Variants in ALKBH5 observed in about 807,000 individuals in gnomAD.
ALKBH5 encodes the protein alkB homolog 5, RNA demethylase, also known as RNA demethylase ALKBH5.
A neutral mutation model predicts 32.1 loss-of-function variants in ALKBH5; 2 were observed. The observed-to-expected ratio is 0.06, with a 90% confidence interval of 0.03 to 0.20. The LOEUF (loss-of-function observed/expected upper bound fraction) is 0.20. Among genes scored for constraint, ALKBH5 ranks in the 10% least tolerant of loss-of-function variants. ALKBH5 has a pLI of 1.00. For missense variants in ALKBH5, 352 were observed against 559.5 expected (o/e 0.63, Z 3.74); for synonymous variants, 300 against 231.7 (o/e 1.29, Z -2.68).
chr17:18,205,762 G>A (rs1366654790), intron 2 of ALKBH5, among the ~76,000 whole-genome samples: 1 of 152,140 alleles, frequency 6.6e-6, no homozygotes, highest in African/African-American at 2.4e-5. Flanking sequence ...CTAGCCCAAG[G>A]CAGTTCTTGG....
At chr17:18,188,816 G>T (rs2047155542) in intron 1 of ALKBH5, among the ~76,000 whole-genome samples, 1 of 152,138 alleles carries the variant, frequency 6.6e-6, no homozygotes, top group Non-Finnish European at 1.5e-5. Context: ...TGCCTGTAAT[G>T]CCAGAACTTT....
rs961391272 is a variant in ALKBH5, at chr17:18,205,382, T to A, written c.852-1433T>A. ...AGACTGAAGAGTCACTCACTGCAGC[T>A]GGGCCCTACTGGCATCCCCCTCTGC... On this transcript the variant is annotated intron_variant, in intron 2 of 3. Transcript: ENST00000399138. Among the ~76,000 whole-genome samples, 4 of 152,308 alleles carry A rather than the reference T, an allele frequency of 2.6e-5. 1 individual carries two copies. Among genetic ancestry groups the A allele is most frequent in the Middle Eastern group, 6.8e-3 (2 of 294 alleles).
chr17:18,194,662 TA>T (rs1162648702), intron 1 of ALKBH5, among the ~76,000 whole-genome samples: 1 of 152,102 alleles, frequency 6.6e-6, no homozygotes, highest in Admixed American at 6.5e-5. Flanking sequence ...AGTACCCTTT[TA>T]AAAAAGGGTT....
At chr17:18,189,798 A>G (rs2047162903) in intron 1 of ALKBH5, among the ~76,000 whole-genome samples, 1 of 152,146 alleles carries the variant, frequency 6.6e-6, no homozygotes, top group Non-Finnish European at 1.5e-5. Context: ...AATTTAGCTA[A>G]AAGTGTCTCA....
intron 1 of ALKBH5, among the ~76,000 whole-genome samples, chr17:18,185,816 A>G (rs1378798174): frequency 1.3e-5 from 2 of 152,208 alleles, no homozygotes; most frequent in Non-Finnish European, 2.9e-5. Flanking sequence ...CATTGGGAAC[A>G]CCTTTGCTGT....
At chr17:18,188,716 A>G (rs1014291807) in intron 1 of ALKBH5, among the ~76,000 whole-genome samples, 1 of 152,222 alleles carries the variant, frequency 6.6e-6, no homozygotes, top group African/African-American at 2.4e-5. Context: ...GGAAGCTAAC[A>G]GTGAACCATG....
chr17:18,197,293 C>T lies in ALKBH5; in HGVS notation c.851+2258C>T, dbSNP rs1157871188. 3.3e-5 allele frequency among the ~76,000 whole-genome samples: 5 copies of T among 152,276 alleles called. No individual in the cohort carries two copies. In the East Asian group the frequency reaches 9.6e-4, roughly 29 times the overall value. On this transcript the variant is annotated intron_variant, in intron 2 of 3. Coordinates refer to ENST00000399138, the MANE Select transcript of ALKBH5 (RefSeq NM_017758.4). ...AGAGGAAGGGAAGAGTTTTTATCTG[C>T]CTTGTACTTTATTTTTCTGTGATAA...
chr17:18,206,914 C>A lies in ALKBH5; in HGVS notation c.951C>A (p.Asp317Glu). The part of the protein sequence containing the change: ...ASDRLSGNNR[D>E]PALKPKRSHR... ...ATCGCCTGTCAGGAAACAACAGGGA[C>A]CCTGCTCTGAAACCCAAGCGGTCCC... The change falls in exon 3 of 4, where the codon GAC becomes GAA. Residue 317 changes from aspartate to glutamate, a missense_variant. By Grantham distance (45) the Asp-to-Glu change is conservative. This residue lies in a region of ALKBH5 where 124 missense variants were observed against 142.4 expected (regional missense o/e 0.87). Transcript: ENST00000399138. 1 of 1,614,250 alleles carries A rather than the reference C, an allele frequency of 6.2e-7. No individual in the cohort carries two copies. Among genetic ancestry groups the A allele is most frequent in the Non-Finnish European group, 8.5e-7 (1 of 1,180,044 alleles).
At chr17:18,201,515 T>C (rs1411009074) in intron 2 of ALKBH5, among the ~76,000 whole-genome samples, 2 of 152,164 alleles carry the variant, frequency 1.3e-5, no homozygotes, top group African/African-American at 4.8e-5. Context: ...CCCAGCACTT[T>C]GGGAAGCCGA....
chr17:18,184,198 C>A lies in ALKBH5; in HGVS notation c.-46C>A. 1.4e-6 allele frequency: 2 copies of A among 1,444,880 alleles called. No homozygotes were observed. Among genetic ancestry groups the A allele is most frequent in the South Asian group, 1.4e-5 (1 of 73,624 alleles). 89.5% of individuals were successfully genotyped at this position (1,444,880 alleles called of 1,614,324 possible). A position where few individuals can be genotyped will look rare whatever the true frequency, so the allele number is the denominator to read the frequency against. On this transcript the variant is annotated 5_prime_UTR_variant, in exon 1 of 4. The change creates a new upstream start codon in the 5' untranslated region. Coordinates refer to ENST00000399138, the MANE Select transcript of ALKBH5 (RefSeq NM_017758.4). ...CGCGTCCCCTTAGAGCCATGCCCGG[C>A]TGCCCCGCCCGCCCCGGAGGACCCT... is the stretch of plus-strand genomic sequence containing the variant.
chr17:18,183,857 G>T lies in ALKBH5; in HGVS notation c.-387G>T, dbSNP rs1379904228. On this transcript the variant is annotated 5_prime_UTR_variant, in exon 1 of 4. Transcript: ENST00000399138. ...AGCCCGCTAAGGAGCGGCGCTGGCG[G>T]ACGTCGGGCTGGCTGCCCGTGACGT... 1.5e-5 allele frequency: 5 copies of T among 341,614 alleles called. No homozygotes were observed. Among genetic ancestry groups the T allele is most frequent in the African/African-American group, 4.5e-5 (2 of 43,982 alleles). 21.2% of individuals were successfully genotyped at this position (341,614 alleles called of 1,614,324 possible). A position where few individuals can be genotyped will look rare whatever the true frequency, so the allele number is the denominator to read the frequency against.
At chr17:18,203,382 TTCCCTTCG>T (rs1486664889) in intron 2 of ALKBH5, among the ~76,000 whole-genome samples, 1 of 152,224 alleles carries the variant, frequency 6.6e-6, no homozygotes, top group East Asian at 1.9e-4. Flanking sequence ...ACTCCCTCCC[TTCCCTTCG>T]GTTCACACTT....
At position 18,206,852 on chromosome 17, in the gene ALKBH5, C is replaced by A. The variant is rs1200223677; in HGVS notation, c.889C>A (p.Leu297Met). 7 of 1,614,216 alleles carry A rather than the reference C, an allele frequency of 4.3e-6. No individual in the cohort carries two copies. The highest frequency in any genetic ancestry group is 5.9e-6 in the Non-Finnish European group (7 of 1,180,024). Residue 297 changes from leucine (L) to methionine (M), a missense_variant, in exon 3 of 4, where the codon CTG (leucine) becomes ATG (methionine). By Grantham distance (15) the Leu-to-Met change is conservative. Coordinates refer to ENST00000399138, the MANE Select transcript of ALKBH5 (RefSeq NM_017758.4). ...LDAPRLETKS[L>M]SSSVLPPSYA... is the part of the protein sequence containing the mutation. ...TGCACCCCGGTTGGAAACAAAGTCCCTGAGCAGCTCCGTGTTACCACCCAG... is the reference window on the plus strand; with the variant it reads ...TGCACCCCGGTTGGAAACAAAGTCCATGAGCAGCTCCGTGTTACCACCCAG...
At position 18,209,331 on chromosome 17, in the gene ALKBH5, C is replaced by G. The variant is rs1034121552; in HGVS notation, c.*935C>G. Reference sequence around the variant, plus strand: ...GAGTTTTTTTTCCCCCTTTAGTCTCCTGGCTTTTTCCTTTCCCTTCCCTTC... The same window carrying G: ...GAGTTTTTTTTCCCCCTTTAGTCTCGTGGCTTTTTCCTTTCCCTTCCCTTC... On this transcript the variant is annotated 3_prime_UTR_variant, in exon 4 of 4. Transcript: ENST00000399138. 1 of 152,480 alleles carries G rather than the reference C, an allele frequency of 6.6e-6. No individual in the cohort carries two copies. The highest frequency in any genetic ancestry group is 2.4e-5 in the African/African-American group (1 of 41,344). The allele number at this position is 152,480 out of a possible 1,614,324, so 9.4% of individuals were successfully genotyped here.
Position 18,208,219 on chromosome 17 carries a change from G to A in ALKBH5, c.1008G>A (p.Arg336=). ...HRKADPDAAH[R]PRILEMDKEE... ...ACGTCCTACCTCCCTTTCCTTGCAG[G>A]CCACGGATCCTGGAGATGGACAAGG... is the stretch of plus-strand genomic sequence containing the variant. The change falls in exon 4 of 4, where the codon AGG becomes AGA. Residue 336 remains arginine (R), a splice_region_variant and synonymous_variant. Transcript: ENST00000399138. The A allele has an allele frequency of 6.2e-7, 1 of 1,603,884 alleles. No individual in the cohort carries two copies. The highest frequency in any genetic ancestry group is 8.5e-7 in the Non-Finnish European group (1 of 1,174,206).
chr17:18,192,676 G>A (rs2047183536), intron 1 of ALKBH5, among the ~76,000 whole-genome samples: 2 of 152,164 alleles, frequency 1.3e-5, no homozygotes, highest in South Asian at 4.1e-4. Context: ...ACTTCTCACT[G>A]TGGGCTGATG....
At chr17:18,189,434 G>A (rs549589144) in intron 1 of ALKBH5, among the ~76,000 whole-genome samples, 2 of 152,326 alleles carry the variant, frequency 1.3e-5, no homozygotes, top group South Asian at 4.2e-4. Context: ...CCAGTTGGTG[G>A]ATAGCCTTCA....
At chr17:18,190,341 G>A (rs1179059312) in intron 1 of ALKBH5, among the ~76,000 whole-genome samples, 2 of 152,280 alleles carry the variant, frequency 1.3e-5, no homozygotes, top group Non-Finnish European at 2.9e-5. Flanking sequence ...CCTGAGGTCA[G>A]GAATTCAAGA....
At position 18,184,579 on chromosome 17, in the gene ALKBH5, C is replaced by A; in HGVS notation, c.336C>A (p.Ser112=). ...AGGCCCGCATTGACGAGGTGGTGTCCCGCGCTGAGAAGGGCCTGTACAACG... is the reference window on the plus strand; with the variant it reads ...AGGCCCGCATTGACGAGGTGGTGTCACGCGCTGAGAAGGGCCTGTACAACG... ...KIEARIDEVV[S]RAEKGLYNEH... Residue 112 remains serine, a synonymous_variant, in exon 1 of 4, where the codon TCC becomes TCA. Coordinates refer to ENST00000399138, the MANE Select transcript of ALKBH5 (RefSeq NM_017758.4). 3 of 1,613,354 alleles carry A rather than the reference C, an allele frequency of 1.9e-6. No homozygotes were observed. The highest frequency in any genetic ancestry group is 2.5e-6 in the Non-Finnish European group (3 of 1,180,024).
Sources: allele counts gnomAD v4.1 joint callset (sites outside exome capture counted in the v4.1 genomes callset), GRCh38; gene constraint gnomAD v4.1.1; regional missense constraint gnomAD v4.1.1; transcripts MANE v1.5; gene names NCBI Gene and HGNC (gene_info 2026-07-23, HGNC 2026-07-21).